MINK1: variants seen among roughly 807,000 people sequenced by gnomAD.
The protein encoded by MINK1 is misshapen like kinase 1, also known as misshapen-like kinase 1.
In MINK1, 46 loss-of-function variants were observed where a neutral mutation model predicts 178.4. The observed-to-expected ratio is 0.26, with a 90% CI of 0.20 to 0.33. The LOEUF is 0.33. MINK1 is among the 10% of genes least tolerant of loss of function. The pLI is 1.00. For missense variants in MINK1, 1,366 were observed against 1,814.9 expected, an observed-to-expected ratio of 0.75 and a Z score of 4.49; for synonymous variants, 797 against 709.7, an observed-to-expected ratio of 1.12 and a Z score of -1.96.
intron 20 of MINK1, 40 bp downstream of exon 20, chr17:4,893,107 G>T: frequency 6.5e-7 from 1 of 1,547,252 alleles, no homozygotes; most frequent in African/African-American, 1.4e-5. Flanking sequence ...CCTCATCCTG[G>T]TTTGGGGCTT....
intron 1 of MINK1, among the ~76,000 whole-genome samples, chr17:4,849,528 G>A (rs1189223804): frequency 1.3e-5 from 2 of 152,108 alleles, no homozygotes; most frequent in Non-Finnish European, 2.9e-5. Context: ...CCCCACCCCT[G>A]CTCCTCCCTT....
intron 1 of MINK1, among the ~76,000 whole-genome samples, chr17:4,877,576 GATA>G (rs1418919720): frequency 1.3e-5 from 2 of 152,108 alleles, no homozygotes; most frequent in African/African-American, 2.4e-5. Flanking sequence ...TAAGAAGTAA[GATA>G]ATAATAATGG....
At chr17:4,842,774 TAGAG>T (rs774525199) in intron 1 of MINK1, among the ~76,000 whole-genome samples, 5 of 152,252 alleles carry the variant, frequency 3.3e-5, no homozygotes, top group South Asian at 2.1e-4. Flanking sequence ...TGTGGCGTCT[TAGAG>T]AGGGGCCAGC....
chr17:4,839,765 C>G (rs1909896698), intron 1 of MINK1, among the ~76,000 whole-genome samples: 1 of 152,076 alleles, frequency 6.6e-6, no homozygotes. Flanking sequence ...TGTAGTGACC[C>G]AAGAGAGCCC....
intron 20 of MINK1, 121 bp downstream of exon 20, chr17:4,893,188 G>A (rs993651216): frequency 3.3e-6 from 5 of 1,537,212 alleles, no homozygotes; most frequent in East Asian, 4.6e-5. Context: ...GGGATGGAGG[G>A]ACTGGTGCTT....
rs1314186059 is a variant in MINK1 at position 4,896,178 on chromosome 17, TC to T, written c.3466-13del. ...CCCGTGCCCCTGAGCCCTCCTCTCC[TC>T]CGGTTCTCTGCAGTCCTTTGCCGAC... On this transcript the variant is annotated splice_polypyrimidine_tract_variant and intron_variant, in intron 28 of 31. Transcript: ENST00000355280. This position sits in a 1 kb window ranked among gnomAD's most constrained non-coding sequence, Gnocchi z 4.6. The T allele has an allele frequency of 6.3e-7, 1 of 1,599,524 alleles. No homozygotes were observed. Among genetic ancestry groups the T allele is most frequent in the African/African-American group, 1.3e-5 (1 of 74,582 alleles).
At position 4,895,469 on chromosome 17, in the gene MINK1, C is replaced by T; in HGVS notation, c.3205C>T (p.Leu1069Phe). ...CCAGCAGATGGATGTGCTGGAGGGG[C>T]TCAACCTGCTCATCACCATCTCAGG... Reference protein sequence around the residue: ...RFQQMDVLEGLNLLITISGKR... With the variant: ...RFQQMDVLEGFNLLITISGKR... The change falls in exon 26 of 32, where the codon CTC (leucine) becomes TTC (phenylalanine). Residue 1069 changes from leucine to phenylalanine, a missense_variant. Leu to Phe is a conservative substitution (Grantham distance 22). This residue lies in a region of MINK1 where 77 missense variants were observed against 119.5 expected (regional missense o/e 0.64). Coordinates refer to ENST00000355280, the MANE Select transcript of MINK1 (RefSeq NM_153827.5). This position sits in a 1 kb window ranked among gnomAD's most constrained non-coding sequence, Gnocchi z 4.3. 6.3e-7 allele frequency: 1 copy of T among 1,591,596 alleles called. No homozygotes were observed.
At position 4,892,149 on chromosome 17, in the gene MINK1, G is replaced by T. The variant is rs748960790; in HGVS notation, c.2002G>T (p.Val668Leu). ...GCAGCACGTGGACTTCTCTCCACAG[G>T]TGCCTCAGAGGACCTCATCTATCGC... The part of the protein sequence containing the change: ...VRPDNEAPPK[V>L]PQRTSSIATA... Residue 668 changes from valine (V) to leucine (L), a missense_variant and splice_region_variant, in exon 17 of 32, where the codon GTG becomes TTG. Coordinates refer to ENST00000355280, the MANE Select transcript of MINK1 (RefSeq NM_153827.5). 1.3e-6 allele frequency: 2 copies of T among 1,593,346 alleles called. No individual in the cohort carries two copies. Among genetic ancestry groups the T allele is most frequent in the East Asian group, 2.3e-5 (1 of 43,670 alleles).
intron 1 of MINK1, among the ~76,000 whole-genome samples, chr17:4,842,065 CA>C (rs1048245278): frequency 3.3e-5 from 5 of 150,944 alleles, no homozygotes; most frequent in African/African-American, 9.7e-5. Flanking sequence ...ACTAAAAATA[CA>C]AAAAAAAATT....
chr17:4,886,298 A>T lies in MINK1; in HGVS notation c.773+100A>T. ...GCTCAGGCTTGGATCTCACCAGAGA[A>T]GAGATTCTGGGGGGCAGAGGGCGGT... On this transcript the variant is annotated intron_variant, in intron 9 of 31. Coordinates refer to ENST00000355280, the MANE Select transcript of MINK1 (RefSeq NM_153827.5). The surrounding 1 kb of genome is among the most constrained non-coding windows in gnomAD (Gnocchi z 6.1). 6.5e-7 allele frequency: 1 copy of T among 1,527,758 alleles called. No homozygotes were observed. Among genetic ancestry groups the T allele is most frequent in the Non-Finnish European group, 9.1e-7 (1 of 1,102,872 alleles). 94.6% of individuals were successfully genotyped at this position (1,527,758 alleles called of 1,614,324 possible).
At chr17:4,857,585 GCCTC>G (rs1220205625) in intron 1 of MINK1, among the ~76,000 whole-genome samples, 1 of 145,650 alleles carries the variant, frequency 6.9e-6, no homozygotes, top group East Asian at 2.0e-4. Flanking sequence ...TCATGCCTCA[GCCTC>G]CCGAGTAGCT....
Position 4,859,130 on chromosome 17 carries a change from G to C in MINK1, c.58-19187G>C, listed in dbSNP as rs1015405794. The C allele has an allele frequency of 2.2e-5, 22 of 985,332 alleles. 1 individual carries two copies. Among genetic ancestry groups the C allele is most frequent in the Non-Finnish European group, 2.7e-5 (22 of 829,962 alleles). 61.0% of individuals were successfully genotyped at this position (985,332 alleles called of 1,614,324 possible). A position where few individuals can be genotyped will look rare whatever the true frequency, so the allele number is the denominator to read the frequency against. On this transcript the variant is annotated intron_variant, in intron 1 of 31. Transcript: ENST00000355280. The stretch of plus-strand genomic sequence containing the variant: ...TGAGTGAATAATCATTGCTGGGCTC[G>C]AAGCACAGGAGAGACCAGTCCTTCC...
At chr17:4,873,257 C>T (rs1432647622) in intron 1 of MINK1, among the ~76,000 whole-genome samples, 3 of 152,244 alleles carry the variant, frequency 2.0e-5, no homozygotes, top group Non-Finnish European at 4.4e-5. Context: ...ATTTACAGAT[C>T]CTTGTTTCTA....
chr17:4,896,976 T>C lies in MINK1; in HGVS notation c.3915+163T>C. The C allele has an allele frequency of 1.8e-6, 2 of 1,087,042 alleles. No individual in the cohort carries two copies. The highest frequency in any genetic ancestry group is 2.6e-6 in the Non-Finnish European group (2 of 771,690). The allele number at this position is 1,087,042 out of a possible 1,614,324, so 67.3% of individuals were successfully genotyped here. ...CCACTACCACTGCCCTGCGCTCCCTTCAGATTCCGAGGACTTCCCAGCTGG... is the reference window on the plus strand; with the variant it reads ...CCACTACCACTGCCCTGCGCTCCCTCCAGATTCCGAGGACTTCCCAGCTGG... On this transcript the variant is annotated intron_variant, in intron 31 of 31. Coordinates refer to ENST00000355280, the MANE Select transcript of MINK1 (RefSeq NM_153827.5). This position sits in a 1 kb window ranked among gnomAD's most constrained non-coding sequence, Gnocchi z 4.6.
At chr17:4,842,543 G>A (rs1264884156) in intron 1 of MINK1, among the ~76,000 whole-genome samples, 2 of 152,226 alleles carry the variant, frequency 1.3e-5, no homozygotes, top group South Asian at 2.1e-4. Flanking sequence ...TACCTCTGGA[G>A]GTAAAATAGG....
At chr17:4,842,928 G>C (rs781178290) in intron 1 of MINK1, among the ~76,000 whole-genome samples, 2 of 152,218 alleles carry the variant, frequency 1.3e-5, no homozygotes, top group African/African-American at 2.4e-5. Context: ...TATCCTTTCA[G>C]GGTGGACCAG....
At chr17:4,855,235 C>T (rs12943487) in intron 1 of MINK1, among the ~76,000 whole-genome samples, 20,465 of 149,046 alleles carry the variant, frequency 0.14, 1,882 homozygotes, top group Non-Finnish European at 0.21. Flanking sequence ...ACCTGTAATC[C>T]CAGCACTTTG....
In MINK1 at chr17:4,897,390, C is replaced by A; in HGVS notation, c.*103C>A. On this transcript the variant is annotated 3_prime_UTR_variant, in exon 32 of 32. Transcript: ENST00000355280. Reference sequence around the variant, plus strand: ...TCCCCTCCCTGGGCTTTTGCTTTTACTGGTTTGATTTCACTGGAGCCTGCT... The same window carrying A: ...TCCCCTCCCTGGGCTTTTGCTTTTAATGGTTTGATTTCACTGGAGCCTGCT... 2 of 1,087,002 alleles carry A rather than the reference C, an allele frequency of 1.8e-6. No homozygotes were observed. Among genetic ancestry groups the A allele is most frequent in the East Asian group, 2.5e-5 (1 of 39,686 alleles). 67.3% of individuals were successfully genotyped at this position (1,087,002 alleles called of 1,614,324 possible).
At chr17:4,876,931 T>TA (rs1197485684) in intron 1 of MINK1, among the ~76,000 whole-genome samples, 3 of 151,436 alleles carry the variant, frequency 2.0e-5, no homozygotes, top group Admixed American at 6.6e-5. Context: ...CTACTAAAAA[T>TA]AAAAAAAACT....
Sources: gnomAD v4.1 joint callset for allele counts (sites outside exome capture counted in the v4.1 genomes callset) on GRCh38, gnomAD v4.1.1 for gene constraint, gnomAD v4.1.1 regional missense constraint, Gnocchi (gnomAD v3.1) non-coding constraint, MANE v1.5 for transcripts, NCBI Gene and HGNC (gene_info 2026-07-23, HGNC 2026-07-21) for gene names.